TMEM144: variants seen among roughly 807,000 people sequenced by gnomAD.
TMEM144 encodes transmembrane protein 144.
In TMEM144, 39 loss-of-function variants were observed where a neutral mutation model predicts 43.6. The ratio of observed to expected loss-of-function variants is 0.90; its 90% CI spans 0.69 to 1.17. TMEM144 has a LOEUF of 1.17. TMEM144 is among the 50% of genes most tolerant of loss of function. The pLI, the probability that TMEM144 is intolerant of heterozygous loss-of-function variation, is 0.00. For synonymous variants in TMEM144, 154 were observed against 133.6 expected (o/e 1.15, Z -1.06); for missense variants, 417 against 411.9 (o/e 1.01, Z -0.11).
intron 3 of TMEM144, chr4:158,213,606 A>T (rs1366223480): frequency 1.3e-5 from 2 of 152,222 alleles, no homozygotes; most frequent in Non-Finnish European, 2.9e-5. Flanking sequence ...GAACTGACTA[A>T]TGTGAATTTT....
At chr4:158,235,211 A>C in intron 7 of TMEM144, 2 of 466,852 alleles carry the variant, frequency 4.3e-6, no homozygotes, top group South Asian at 7.5e-5. Flanking sequence ...CACATATTAA[A>C]TGTGAGAATT....
At chr4:158,250,567 G>T (rs1008898881) in intron 12 of TMEM144, among the ~76,000 whole-genome samples, 1 of 152,096 alleles carries the variant, frequency 6.6e-6, no homozygotes, top group Non-Finnish European at 1.5e-5. Flanking sequence ...TCCCTTTCTG[G>T]GTTTCCCTCA....
At chr4:158,237,318 T>C (rs1228450431) in intron 8 of TMEM144, 2 of 466,936 alleles carry the variant, frequency 4.3e-6, no homozygotes, top group East Asian at 6.6e-5. Flanking sequence ...TAGACACTGG[T>C]GGACTGAAGC....
chr4:158,219,537 T>A, intron 6 of TMEM144, 147 bp downstream of exon 6: 3 of 852,030 alleles, frequency 3.5e-6, no homozygotes, highest in Non-Finnish European at 5.4e-6. Flanking sequence ...AATGACTGGT[T>A]TTAGAGGACA....
At chr4:158,243,835 G>A (rs939966466) in intron 11 of TMEM144, among the ~76,000 whole-genome samples, 6 of 152,010 alleles carry the variant, frequency 3.9e-5, no homozygotes, top group African/African-American at 1.2e-4. Context: ...TTTAAAGCAC[G>A]AGCTACTTCC....
intron 10 of TMEM144, among the ~76,000 whole-genome samples, chr4:158,241,210 G>A (rs1309185745): frequency 1.3e-5 from 2 of 151,768 alleles, no homozygotes; most frequent in East Asian, 3.9e-4. Context: ...TGCAGATAAT[G>A]TTCGGGTTCA....
chr4:158,231,131 A>G (rs1735059364), intron 6 of TMEM144, among the ~76,000 whole-genome samples: 1 of 152,164 alleles, frequency 6.6e-6, no homozygotes, highest in Non-Finnish European at 1.5e-5. Context: ...TATGATCTAG[A>G]CAAGGTAGGT....
At chr4:158,246,145 A>G (rs1210181835) in intron 12 of TMEM144, among the ~76,000 whole-genome samples, 1 of 152,140 alleles carries the variant, frequency 6.6e-6, no homozygotes, top group East Asian at 1.9e-4. Context: ...TTTTTAAAAA[A>G]TTGCTTTGGA....
intron 6 of TMEM144, among the ~76,000 whole-genome samples, chr4:158,228,278 C>T (rs189962636): frequency 4.0e-5 from 6 of 150,636 alleles, no homozygotes; most frequent in East Asian, 1.9e-4. Flanking sequence ...ATCAAAGTGC[C>T]GATAAAGGCA....
At chr4:158,214,818 G>C (rs151184026) in intron 3 of TMEM144, among the ~76,000 whole-genome samples, 1 of 152,282 alleles carries the variant, frequency 6.6e-6, no homozygotes, top group African/African-American at 2.4e-5. Context: ...TGTGGCATCT[G>C]AATGAGAATA....
chr4:158,219,240 C>G, intron 5 of TMEM144, 70 bp from the exon 6 acceptor site: 1 of 1,491,172 alleles, frequency 6.7e-7, no homozygotes. Context: ...GGCCCCTAGT[C>G]CATGCCCTTA....
chr4:158,226,613 C>T (rs1207862401), intron 6 of TMEM144, among the ~76,000 whole-genome samples: 2 of 151,780 alleles, frequency 1.3e-5, no homozygotes, highest in Admixed American at 6.6e-5. Flanking sequence ...CTTTATACAC[C>T]TTGCACATAA....
chr4:158,237,080 A>C (rs12511528), intron 8 of TMEM144, among the ~76,000 whole-genome samples: 14,226 of 152,288 alleles, frequency 0.093, 765 homozygotes, highest in Admixed American at 0.12. Context: ...TTCAACAAAA[A>C]TGCATTTAGT....
At chr4:158,241,294 AT>A (rs774280914) in intron 10 of TMEM144, among the ~76,000 whole-genome samples, 5 of 152,276 alleles carry the variant, frequency 3.3e-5, no homozygotes, top group Admixed American at 6.5e-5. Flanking sequence ...AATGCTGATA[AT>A]GTGAAAGCAT....
intron 12 of TMEM144, among the ~76,000 whole-genome samples, chr4:158,247,375 A>G (rs1435629631): frequency 6.6e-6 from 1 of 152,054 alleles, no homozygotes; most frequent in African/African-American, 2.4e-5. Flanking sequence ...CAGAATAAGA[A>G]ATGAAATGAA....
At chr4:158,217,751 C>T (rs1462273218) in intron 5 of TMEM144, among the ~76,000 whole-genome samples, 1 of 152,118 alleles carries the variant, frequency 6.6e-6, no homozygotes, top group Non-Finnish European at 1.5e-5. Context: ...TTCACAAATA[C>T]GTGAGGTAAG....
At chr4:158,229,569 C>A (rs1465005562) in intron 6 of TMEM144, among the ~76,000 whole-genome samples, 2 of 152,130 alleles carry the variant, frequency 1.3e-5, no homozygotes, top group Non-Finnish European at 2.9e-5. Context: ...TTTATCTGGT[C>A]TATCCAGATT....
chr4:158,229,970 G>A (rs1390363444), intron 6 of TMEM144, among the ~76,000 whole-genome samples: 2 of 152,098 alleles, frequency 1.3e-5, no homozygotes, highest in South Asian at 2.1e-4. Flanking sequence ...TCCCCAAGGA[G>A]CTCAGATGGC....
intron 4 of TMEM144, among the ~76,000 whole-genome samples, chr4:158,216,309 T>C (rs1190808576): frequency 6.6e-6 from 1 of 152,188 alleles, no homozygotes; most frequent in Non-Finnish European, 1.5e-5. Flanking sequence ...TTGGAGCAAC[T>C]GATAGCATAT....
Sources: gnomAD v4.1 joint callset for allele counts (sites outside exome capture counted in the v4.1 genomes callset) on GRCh38, gnomAD v4.1.1 for gene constraint, MANE v1.5 for transcripts, NCBI Gene and HGNC (gene_info 2026-07-23, HGNC 2026-07-21) for gene names.